ITPK1: variants seen among roughly 807,000 people sequenced by gnomAD.
The protein encoded by ITPK1 is inositol 1,3,4-trisphosphate 5/6-kinase.
In ITPK1, 21 loss-of-function variants were observed where a neutral mutation model predicts 45.3. That is an observed-to-expected ratio of 0.46 (90% CI 0.33 to 0.67). ITPK1 has a LOEUF of 0.67. ITPK1 is among the 30% of genes least tolerant of loss of function. ITPK1 has a pLI of 0.02. For missense variants in ITPK1, 474 were observed against 573.5 expected (o/e 0.83, Z 1.77); for synonymous variants, 258 against 253.6 (o/e 1.02, Z -0.16).
chr14:92,988,409 C>A (rs1289790022), intron 5 of ITPK1, among the ~76,000 whole-genome samples: 1 of 152,194 alleles, frequency 6.6e-6, no homozygotes, highest in African/African-American at 2.4e-5. Flanking sequence ...CTGGCCCAGC[C>A]CCCCGAGGGG....
rs57173352 is a variant in ITPK1 at position 93,076,336 on chromosome 14, A to G, written c.120+259T>C. 0.17 allele frequency among the ~76,000 whole-genome samples: 26,186 copies of G among 151,516 alleles called. 2,807 individuals are homozygous for G. The highest frequency in any genetic ancestry group is 0.3 in the African/African-American group (12,272 of 41,228). On this transcript the variant is annotated intron_variant, in intron 3 of 10. Coordinates refer to ENST00000267615, the MANE Select transcript of ITPK1 (RefSeq NM_014216.6). The surrounding 1 kb of genome is among the most constrained non-coding windows in gnomAD (Gnocchi z 4.3). ...CACCCTAACCTGACCACTGCCATGC[A>G]CACCCCCCTCAGGACTCCCAAACCA...
chr14:93,050,257 C>T (rs1278818859), intron 3 of ITPK1, among the ~76,000 whole-genome samples: 1 of 152,166 alleles, frequency 6.6e-6, no homozygotes, highest in Admixed American at 6.5e-5. Context: ...TGGAAAATGA[C>T]AGCTGAGACT....
chr14:93,043,284 CCA>C (rs144025984), intron 3 of ITPK1, among the ~76,000 whole-genome samples: 5,928 of 152,226 alleles, frequency 0.039, 219 homozygotes, highest in African/African-American at 0.1. Flanking sequence ...GAAATCCACC[CCA>C]GTTTATGTGC....
intron 5 of ITPK1, among the ~76,000 whole-genome samples, chr14:92,980,272 C>A (rs1205576141): frequency 6.6e-6 from 1 of 152,206 alleles, no homozygotes; most frequent in Non-Finnish European, 1.5e-5. Context: ...CACCACCCAG[C>A]CCTGACAATG....
intron 2 of ITPK1, among the ~76,000 whole-genome samples, chr14:93,109,317 T>C (rs34162105): frequency 0.24 from 36,952 of 152,150 alleles, 4,854 homozygotes; most frequent in African/African-American, 0.35. Flanking sequence ...TGGAGAGACC[T>C]ACACGTGCAC....
intron 3 of ITPK1, among the ~76,000 whole-genome samples, chr14:93,022,515 C>CTTT (rs750617400): frequency 7.2e-6 from 1 of 137,958 alleles, no homozygotes; most frequent in Non-Finnish European, 1.6e-5. Context: ...AAGACCACAT[C>CTTT]TTTTTTTTTT....
chr14:93,115,110 T>C lies in ITPK1; in HGVS notation c.54A>G (p.Lys18=). The C allele has an allele frequency of 6.2e-7, 1 of 1,602,658 alleles. No individual in the cohort carries two copies. Among genetic ancestry groups the C allele is most frequent in the Non-Finnish European group, 8.5e-7 (1 of 1,175,656 alleles). ...AGGCCTGGAAATTCAGCTTCTTGAT[T>C]TTCTTCTCGCTCAGCCAGTAGCCAA... The part of the protein sequence containing the change: ...KRVGYWLSEK[K]IKKLNFQAFA... Residue 18 remains lysine, a synonymous_variant, in exon 2 of 11, where the codon AAA becomes AAG. Coordinates refer to ENST00000267615, the MANE Select transcript of ITPK1 (RefSeq NM_014216.6).
chr14:93,109,190 G>A (rs1892643133), intron 2 of ITPK1, among the ~76,000 whole-genome samples: 1 of 152,074 alleles, frequency 6.6e-6, no homozygotes, highest in Admixed American at 6.5e-5. Flanking sequence ...GGACCACACA[G>A]CTGTTTAAAA....
Position 93,016,858 on chromosome 14 carries a change from C to T in ITPK1, c.121-57G>A, listed in dbSNP as rs775660521. 2.1e-5 allele frequency: 33 copies of T among 1,600,418 alleles called. No individual in the cohort carries two copies. Among genetic ancestry groups the T allele is most frequent in the Non-Finnish European group, 2.7e-5 (32 of 1,172,696 alleles). Reference sequence around the variant, plus strand: ...AACTTCAGCACCTGAGTCCACTGCCCCCATCCTCTTGTCCACCCTGGGGCA... The same window carrying T: ...AACTTCAGCACCTGAGTCCACTGCCTCCATCCTCTTGTCCACCCTGGGGCA... On this transcript the variant is annotated intron_variant, in intron 3 of 10. Transcript: ENST00000267615. This position sits in a 1 kb window ranked among gnomAD's most constrained non-coding sequence, Gnocchi z 5.0.
intron 5 of ITPK1, among the ~76,000 whole-genome samples, chr14:92,976,728 C>A (rs992303887): frequency 1.3e-5 from 2 of 152,264 alleles, no homozygotes; most frequent in Non-Finnish European, 2.9e-5. Context: ...ATCACTATCA[C>A]CACTCCATTT....
At chr14:92,966,846 A>T (rs1885394774) in intron 5 of ITPK1, among the ~76,000 whole-genome samples, 1 of 152,260 alleles carries the variant, frequency 6.6e-6, no homozygotes, top group African/African-American at 2.4e-5. Context: ...AGGGGCGGAA[A>T]GAATATTCGT....
chr14:93,066,080 C>G (rs1277362402), intron 3 of ITPK1: 1 of 308,538 alleles, frequency 3.2e-6, no homozygotes, highest in African/African-American at 2.2e-5. Context: ...GTACATATTA[C>G]TTAATGAGCA....
At chr14:92,988,529 C>T (rs1272000966) in intron 5 of ITPK1, among the ~76,000 whole-genome samples, 1 of 152,188 alleles carries the variant, frequency 6.6e-6, no homozygotes, top group Admixed American at 6.5e-5. Context: ...GGGATGATGG[C>T]CATGCCACCA....
At chr14:93,024,809 A>G (rs1036369497) in intron 3 of ITPK1, among the ~76,000 whole-genome samples, 2 of 152,074 alleles carry the variant, frequency 1.3e-5, no homozygotes, top group Non-Finnish European at 2.9e-5. Flanking sequence ...ATCTCCCCCA[A>G]CACCCCCAGG....
chr14:93,040,110 AAC>A (rs1889497604), intron 3 of ITPK1, among the ~76,000 whole-genome samples: 1 of 152,236 alleles, frequency 6.6e-6, no homozygotes, highest in East Asian at 1.9e-4. Flanking sequence ...TTTTTGGTTA[AAC>A]TGCCTTAATC....
At chr14:93,067,039 T>C (rs1041522482) in intron 3 of ITPK1, among the ~76,000 whole-genome samples, 1 of 152,206 alleles carries the variant, frequency 6.6e-6, no homozygotes, top group Admixed American at 6.5e-5. Flanking sequence ...ACACTCTGAG[T>C]AGCAATGCTA....
At chr14:93,094,172 G>A (rs1478271660) in intron 2 of ITPK1, among the ~76,000 whole-genome samples, 2 of 152,234 alleles carry the variant, frequency 1.3e-5, no homozygotes, top group African/African-American at 4.8e-5. Flanking sequence ...GATATGCGGG[G>A]CCTCCTCCTC....
At chr14:92,949,443 G>A (rs573223381) in intron 9 of ITPK1, among the ~76,000 whole-genome samples, 1 of 152,326 alleles carries the variant, frequency 6.6e-6, no homozygotes, top group Admixed American at 6.5e-5. Context: ...GCCAGTGGGG[G>A]CCAGAGGCTA....
intron 5 of ITPK1, among the ~76,000 whole-genome samples, chr14:92,976,384 C>A (rs1032915005): frequency 6.6e-6 from 1 of 152,222 alleles, no homozygotes; most frequent in East Asian, 1.9e-4. Flanking sequence ...TCGGGACACA[C>A]CCCTGGGTCC....
Sources: allele counts gnomAD v4.1 joint callset (sites outside exome capture counted in the v4.1 genomes callset), GRCh38; gene constraint gnomAD v4.1.1; non-coding constraint Gnocchi (gnomAD v3.1); transcripts MANE v1.5; gene names NCBI Gene and HGNC (gene_info 2026-07-23, HGNC 2026-07-21).